The following P2RX4 variants were observed in gnomAD, a reference collection of about 807,000 sequenced individuals.
P2RX4 encodes the protein P2X purinoceptor 4.
In P2RX4, 37 loss-of-function variants were observed where a neutral mutation model predicts 48.0. The observed-to-expected ratio is 0.77, with a 90% CI of 0.59 to 1.01. P2RX4 has a LOEUF of 1.01. Among genes scored for constraint, P2RX4 ranks in the 50% least tolerant of loss-of-function variants. The pLI is 0.00. For synonymous variants in P2RX4, 200 were observed against 199.7 expected, an observed-to-expected ratio of 1.00 and a Z score of -0.01; for missense variants, 501 against 521.4, an observed-to-expected ratio of 0.96 and a Z score of 0.38.
At chr12:121,218,968 T>G (rs1040844749) in intron 2 of P2RX4, among the ~76,000 whole-genome samples, 1 of 151,568 alleles carries the variant, frequency 6.6e-6, no homozygotes. Context: ...GAGGCTGAAG[T>G]GAACTGTGAT....
chr12:121,228,459 A>ATATATGTGTG, intron 5 of P2RX4, 74 bp from the exon 6 acceptor site: 1 of 748,380 alleles, frequency 1.3e-6, no homozygotes. Context: ...ATGTGTGTAT[A>ATATATGTGTG]TATATATATA....
Position 121,229,182 on chromosome 12 carries a change from C to T in P2RX4, c.884+83C>T. 3.3e-6 allele frequency: 5 copies of T among 1,535,070 alleles called. No homozygotes were observed. The highest frequency in any genetic ancestry group is 1.7e-5 in the Admixed American group (1 of 59,646). On this transcript the variant is annotated intron_variant, in intron 8 of 11. Coordinates refer to ENST00000337233, the MANE Select transcript of P2RX4 (RefSeq NM_002560.3). This position sits in a 1 kb window ranked among gnomAD's most constrained non-coding sequence, Gnocchi z 4.6. ...GTGCCAGTGGGCCGCCCACTGAAGA[C>T]CAGCACTCAGGCAGCACCCCAAGGG...
Position 121,210,760 on chromosome 12 carries a change from C to T in P2RX4, c.134+462C>T, listed in dbSNP as rs550066385. On this transcript the variant is annotated intron_variant, in intron 1 of 11. Coordinates refer to ENST00000337233, the MANE Select transcript of P2RX4 (RefSeq NM_002560.3). Reference sequence around the variant, plus strand: ...CACCACTTAACTCGAGCCTGGGAGACAGTCCGAGACCCGTCTGTTTACAAA... The same window carrying T: ...CACCACTTAACTCGAGCCTGGGAGATAGTCCGAGACCCGTCTGTTTACAAA... Among the ~76,000 whole-genome samples the T allele has an allele frequency of 3.3e-5, 5 of 152,326 alleles. No homozygotes were observed. In the South Asian group the frequency reaches 1.0e-3, roughly 32 times the overall value.
intron 1 of P2RX4, chr12:121,214,706 A>G (rs1326973906): frequency 6.6e-6 from 1 of 152,262 alleles, no homozygotes; most frequent in East Asian, 1.9e-4. Flanking sequence ...CCATGGGGGG[A>G]AAGCCCATCT....
chr12:121,232,347 C>T lies in P2RX4; in HGVS notation c.885-67C>T, dbSNP rs987651238. 5.1e-5 allele frequency: 56 copies of T among 1,106,846 alleles called. No homozygotes were observed. Among genetic ancestry groups the T allele is most frequent in the African/African-American group, 1.1e-4 (7 of 65,244 alleles). The allele number at this position is 1,106,846 out of a possible 1,614,324, so 68.6% of individuals were successfully genotyped here. The stretch of plus-strand genomic sequence containing the variant: ...TTCACCTGTGCCAGCTCCACTCTAA[C>T]GTTCTCTCACAGGGCCCAAGGTCCT... On this transcript the variant is annotated intron_variant, in intron 8 of 11. Transcript: ENST00000337233. The surrounding 1 kb of genome is among the most constrained non-coding windows in gnomAD (Gnocchi z 4.3).
intron 2 of P2RX4, among the ~76,000 whole-genome samples, chr12:121,219,469 G>A (rs567477536): frequency 4.6e-5 from 7 of 152,196 alleles, no homozygotes; most frequent in Admixed American, 2.0e-4. Context: ...AGTGGCTTAC[G>A]CCTGTAGTCC....
At chr12:121,224,784 G>C (rs1337474579) in intron 5 of P2RX4, among the ~76,000 whole-genome samples, 1 of 151,972 alleles carries the variant, frequency 6.6e-6, no homozygotes, top group Non-Finnish European at 1.5e-5. Context: ...CGAGAGCTCA[G>C]ACCGAGGTCT....
In P2RX4 at chr12:121,228,967, G is replaced by A. The variant is rs985868228; in HGVS notation, c.752G>A (p.Gly251Asp). ...GTCTCTGCTGCTCATCCCCAGGGAG[G>A]CATCATGGGCATCCAGGTCAACTGG... ...HSFQDMAVEG[G>D]IMGIQVNWDC... The change falls in exon 8 of 12, where the codon GGC becomes GAC. Residue 251 changes from glycine to aspartate, a missense_variant. Physicochemically the swap from Gly to Asp is moderately conservative, Grantham distance 94. Coordinates refer to ENST00000337233, the MANE Select transcript of P2RX4 (RefSeq NM_002560.3). 11 of 1,613,970 alleles carry A rather than the reference G, an allele frequency of 6.8e-6. No homozygotes were observed. Among genetic ancestry groups the A allele is most frequent in the Non-Finnish European group, 8.5e-6 (10 of 1,180,042 alleles).
In P2RX4 at chr12:121,222,926, CT is replaced by C. The variant is rs1321874504; in HGVS notation, c.428-20del. ...AGACCCCTGTGGACATGGGACCCCC[CT>C]GCCACCCTTGTGCTTGTAGGAGTCT... On this transcript the variant is annotated intron_variant, in intron 4 of 11. Transcript: ENST00000337233. 1.3e-6 allele frequency: 2 copies of C among 1,577,264 alleles called. No homozygotes were observed. The highest frequency in any genetic ancestry group is 2.2e-5 in the East Asian group (1 of 44,710).
At chr12:121,217,936 G>T (rs961301956) in intron 2 of P2RX4, among the ~76,000 whole-genome samples, 1 of 152,116 alleles carries the variant, frequency 6.6e-6, no homozygotes, top group Non-Finnish European at 1.5e-5. Context: ...AAAGCTCCAA[G>T]TTAAACATTG....
At chr12:121,222,226 G>GGCAAAACCC in intron 4 of P2RX4, 60 bp downstream of exon 4, 2 of 1,152,044 alleles carry the variant, frequency 1.7e-6, no homozygotes, top group Middle Eastern at 1.9e-4. Flanking sequence ...CCACTGTGGA[G>GGCAAAACCC]CGTCTCTGAT....
intron 1 of P2RX4, chr12:121,214,314 C>T (rs1308261621): frequency 6.6e-6 from 1 of 152,002 alleles, no homozygotes; most frequent in African/African-American, 2.4e-5. Flanking sequence ...GCAGTAAATG[C>T]TTTGCTTTTG....
rs572351698 is a variant in P2RX4 at position 121,228,621 on chromosome 12, G to C, written c.605+8G>C. ...CAAATTTAATTTCAGCAAGTAAGTG[G>C]TGGCCAGGTGTGTGAGTTCACCAGG... On this transcript the variant is annotated splice_region_variant and intron_variant, in intron 6 of 11. Transcript: ENST00000337233. 1.1e-5 allele frequency: 18 copies of C among 1,613,158 alleles called. No homozygotes were observed. The East Asian group carries it at 3.8e-4, about 34-fold the overall frequency.
chr12:121,212,515 C>T (rs184590103), intron 1 of P2RX4, among the ~76,000 whole-genome samples: 22 of 143,916 alleles, frequency 1.5e-4, no homozygotes, highest in African/African-American at 4.9e-4. Flanking sequence ...TTTCTGAACA[C>T]GGTGGCTCAT....
intron 2 of P2RX4, among the ~76,000 whole-genome samples, chr12:121,221,200 T>C (rs917257098): frequency 7.2e-6 from 1 of 139,158 alleles, no homozygotes; most frequent in African/African-American, 2.6e-5. Flanking sequence ...GTGTGTGTTT[T>C]TAGTACAAAG....
At chr12:121,210,348 G>C in intron 1 of P2RX4, 50 bp downstream of exon 1, 1 of 1,413,792 alleles carries the variant, frequency 7.1e-7, no homozygotes, top group African/African-American at 1.5e-5. Context: ...CCTCGCGTCC[G>C]CGCCGTGCGG....
At position 121,228,752 on chromosome 12, in the gene P2RX4, T is replaced by C. The variant is rs763645805; in HGVS notation, c.633T>C (p.Thr211=). ...GGAATATCCTTCCCAACATCACCAC[T>C]ACTTACCTCAAGTCGTGCATTTATG... ...SKRNILPNIT[T]TYLKSCIYDA... is the part of the protein sequence containing the mutation. The change falls in exon 7 of 12, where the codon ACT becomes ACC. Residue 211 remains threonine, a synonymous_variant. Transcript: ENST00000337233. 1 of 1,614,110 alleles carries C rather than the reference T, an allele frequency of 6.2e-7. No homozygotes were observed. The highest frequency in any genetic ancestry group is 8.5e-7 in the Non-Finnish European group (1 of 1,179,992).
intron 2 of P2RX4, among the ~76,000 whole-genome samples, chr12:121,220,164 A>G (rs1886505200): frequency 6.6e-6 from 1 of 152,218 alleles, no homozygotes; most frequent in African/African-American, 2.4e-5. Flanking sequence ...AAAACCAGCC[A>G]GATTTGAGCC....
chr12:121,223,811 A>T (rs11065494), intron 5 of P2RX4, among the ~76,000 whole-genome samples: 1 of 151,930 alleles, frequency 6.6e-6, no homozygotes, highest in Admixed American at 6.6e-5. Flanking sequence ...ACCTGGGAGG[A>T]GGAGGTTGCT....
Sources: gnomAD v4.1 joint callset for allele counts (sites outside exome capture counted in the v4.1 genomes callset) on GRCh38, gnomAD v4.1.1 for gene constraint, Gnocchi (gnomAD v3.1) non-coding constraint, MANE v1.5 for transcripts, NCBI Gene and HGNC (gene_info 2026-07-23, HGNC 2026-07-21) for gene names.